Variants in ASTN2 observed in about 807,000 individuals in gnomAD.
ASTN2 encodes astrotactin-2.
Under a neutral mutation model 139.8 loss-of-function variants are expected in ASTN2, and 54 were observed. The observed-to-expected ratio is 0.39, with a 90% CI of 0.31 to 0.48. The LOEUF (loss-of-function observed/expected upper bound fraction) is 0.48. Ranked by LOEUF, ASTN2 falls within the 20% of genes least tolerant of loss-of-function variation. The pLI, the probability that ASTN2 is intolerant of heterozygous loss-of-function variation, is 0.95. For synonymous variants in ASTN2, 756 were observed against 719.5 expected, an observed-to-expected ratio of 1.05 and a Z score of -0.81; for missense variants, 1,565 against 1,725.1, an observed-to-expected ratio of 0.91 and a Z score of 1.64.
rs547088524 is a variant in ASTN2 at position 117,027,555 on chromosome 9, C to A, written c.1423+12264G>T. On this transcript the variant is annotated intron_variant, in intron 6 of 22. Coordinates refer to ENST00000313400, the MANE Select transcript of ASTN2 (RefSeq NM_001365068.1). Reference sequence around the variant, plus strand: ...ATTGCCCTTCTTGTCCTCCCTCTCTCCCCCCACCTCCAACAGAAGTGCACA... The same window carrying A: ...ATTGCCCTTCTTGTCCTCCCTCTCTACCCCCACCTCCAACAGAAGTGCACA... 1.3e-4 allele frequency among the ~76,000 whole-genome samples: 20 copies of A among 152,242 alleles called. No individual in the cohort carries two copies. In the South Asian group the frequency reaches 3.3e-3, roughly 25 times the overall value.
intron 1 of ASTN2, among the ~76,000 whole-genome samples, chr9:117,370,190 A>G (rs1208089156): frequency 6.6e-6 from 1 of 152,194 alleles, no homozygotes; most frequent in Non-Finnish European, 1.5e-5. Context: ...AGCCAAATTC[A>G]ATTTGAGGGA....
chr9:116,832,550 GAA>G (rs1362308746), intron 11 of ASTN2, among the ~76,000 whole-genome samples: 1 of 149,550 alleles, frequency 6.7e-6, no homozygotes, highest in Admixed American at 6.6e-5. Context: ...TTTTTTTTTT[GAA>G]AGTTTTAAAA....
At chr9:117,368,709 T>C (rs541913328) in intron 1 of ASTN2, among the ~76,000 whole-genome samples, 89 of 152,318 alleles carry the variant, frequency 5.8e-4, no homozygotes, top group African/African-American at 1.9e-3. Context: ...AATTGTCATG[T>C]GCTGTTTAGA....
chr9:116,514,340 C>A (rs1051391530), intron 19 of ASTN2, among the ~76,000 whole-genome samples: 5 of 150,336 alleles, frequency 3.3e-5, no homozygotes, highest in South Asian at 2.1e-4. Flanking sequence ...GCAAATGTTG[C>A]GGCCTGATCG....
intron 19 of ASTN2, among the ~76,000 whole-genome samples, chr9:116,588,801 C>T (rs1854263562): frequency 6.6e-6 from 1 of 152,056 alleles, no homozygotes; most frequent in Admixed American, 6.5e-5. Context: ...GCTGGATTAT[C>T]CACTTTTATA....
intron 2 of ASTN2, among the ~76,000 whole-genome samples, chr9:117,231,932 G>A (rs1466008128): frequency 6.6e-6 from 1 of 152,166 alleles, no homozygotes; most frequent in Non-Finnish European, 1.5e-5. Flanking sequence ...GGGCCACTAA[G>A]TGAGCACACC....
At chr9:116,778,557 T>A (rs1168391497) in intron 13 of ASTN2, among the ~76,000 whole-genome samples, 1 of 152,172 alleles carries the variant, frequency 6.6e-6, no homozygotes, top group Non-Finnish European at 1.5e-5. Flanking sequence ...TCAACATTTC[T>A]TGTGAGGAAA....
At chr9:116,737,652 A>G (rs1828975127) in intron 13 of ASTN2, among the ~76,000 whole-genome samples, 1 of 94,748 alleles carries the variant, frequency 1.1e-5, no homozygotes, top group Non-Finnish European at 2.4e-5. Flanking sequence ...TGTGTGTAGT[A>G]AAAGCTGCTA....
At chr9:116,823,815 G>T (rs1255720959) in intron 11 of ASTN2, among the ~76,000 whole-genome samples, 1 of 152,116 alleles carries the variant, frequency 6.6e-6, no homozygotes, top group Non-Finnish European at 1.5e-5. Flanking sequence ...ACATGAAGTG[G>T]GTTTACCAGT....
In ASTN2 at chr9:117,157,028, G is replaced by T. The variant is rs150549106; in HGVS notation, c.1016-15550C>A. On this transcript the variant is annotated intron_variant, in intron 3 of 22. Coordinates refer to ENST00000313400, the MANE Select transcript of ASTN2 (RefSeq NM_001365068.1). Reference sequence around the variant, plus strand: ...TACACCCTCTTGTCCATGCCTCTGGGCTCAAAAACAATTGATCTGATTCGT... The same window carrying T: ...TACACCCTCTTGTCCATGCCTCTGGTCTCAAAAACAATTGATCTGATTCGT... 3.2e-4 allele frequency among the ~76,000 whole-genome samples: 49 copies of T among 152,010 alleles called. No homozygotes were observed. In the East Asian group the frequency reaches 9.0e-3, roughly 28 times the overall value.
At chr9:117,224,994 T>C (rs773656068) in intron 2 of ASTN2, among the ~76,000 whole-genome samples, 5 of 152,188 alleles carry the variant, frequency 3.3e-5, no homozygotes, top group Non-Finnish European at 7.3e-5. Flanking sequence ...TTTCCCAGGA[T>C]CCAGCTCAGG....
chr9:117,193,306 G>T (rs1381191373), intron 3 of ASTN2, among the ~76,000 whole-genome samples: 1 of 152,022 alleles, frequency 6.6e-6, no homozygotes, highest in African/African-American at 2.4e-5. Context: ...GAGGAAAGAG[G>T]CAGTTTGGTA....
intron 5 of ASTN2, among the ~76,000 whole-genome samples, chr9:117,081,515 C>T (rs1459733186): frequency 1.3e-5 from 2 of 152,134 alleles, no homozygotes; most frequent in Non-Finnish European, 2.9e-5. Flanking sequence ...AATGTGGGTG[C>T]CACTGTGACT....
intron 10 of ASTN2, among the ~76,000 whole-genome samples, chr9:116,897,882 T>A (rs1024667254): frequency 6.6e-6 from 1 of 152,156 alleles, no homozygotes; most frequent in Non-Finnish European, 1.5e-5. Flanking sequence ...GGAAATAACT[T>A]TTCCAAAAAT....
At chr9:116,772,137 A>G (rs1394571217) in intron 13 of ASTN2, among the ~76,000 whole-genome samples, 3 of 152,222 alleles carry the variant, frequency 2.0e-5, no homozygotes, top group Admixed American at 1.3e-4. Context: ...GAGAACTGCA[A>G]ATGCAAAGAC....
chr9:116,426,220 G>A lies in ASTN2; in HGVS notation c.3783-132C>T, dbSNP rs960763073. On this transcript the variant is annotated intron_variant, in intron 22 of 22. Coordinates refer to ENST00000313400, the MANE Select transcript of ASTN2 (RefSeq NM_001365068.1). ...CCTATCTACTCCAGATTGGAGTGTG[G>A]TACTTCAAACACTGATTCAAAAATT... The A allele has an allele frequency of 2.7e-6, 3 of 1,127,560 alleles. No individual in the cohort carries two copies. The Middle Eastern group carries it at 6.9e-4, about 261-fold the overall frequency. The allele number at this position is 1,127,560 out of a possible 1,614,324, so 69.8% of individuals were successfully genotyped here. A position where few individuals can be genotyped will look rare whatever the true frequency, so the allele number is the denominator to read the frequency against.
At chr9:116,976,619 T>A (rs1836347306) in intron 8 of ASTN2, 82 bp downstream of exon 8, 1 of 1,222,508 alleles carries the variant, frequency 8.2e-7, no homozygotes, top group South Asian at 1.4e-5. Context: ...TTTGTGGAGA[T>A]GCTTGGGGCC....
intron 17 of ASTN2, among the ~76,000 whole-genome samples, chr9:116,632,164 G>GAC (rs1383621973): frequency 1.6e-3 from 54 of 33,992 alleles, no homozygotes; most frequent in African/African-American, 6.9e-3. Context: ...GAGACAGAGA[G>GAC]AGAGAGAGAG....
At chr9:116,970,333 T>C (rs1004698666) in intron 10 of ASTN2, among the ~76,000 whole-genome samples, 21 of 152,192 alleles carry the variant, frequency 1.4e-4, no homozygotes, top group Non-Finnish European at 2.4e-4. Flanking sequence ...AGTTTCTAGG[T>C]CATGCGAATG....
Sources: allele counts gnomAD v4.1 joint callset (sites outside exome capture counted in the v4.1 genomes callset), GRCh38; gene constraint gnomAD v4.1.1; transcripts MANE v1.5; gene names NCBI Gene and HGNC (gene_info 2026-07-23, HGNC 2026-07-21).